The following MRLN variants were observed in gnomAD, a reference collection of about 807,000 sequenced individuals.
The protein encoded by MRLN is myoregulin.
intron 1 of MRLN, among the ~76,000 whole-genome samples, chr10:59,746,598 C>A (rs772197497): frequency 6.6e-6 from 1 of 152,178 alleles, no homozygotes; most frequent in Non-Finnish European, 1.5e-5. Context: ...AGTCCTGGAT[C>A]CTTTCTATAT....
At chr10:59,742,755 G>A (rs771931274) in intron 1 of MRLN, among the ~76,000 whole-genome samples, 47 of 148,226 alleles carry the variant, frequency 3.2e-4, no homozygotes, top group Non-Finnish European at 4.0e-4. Flanking sequence ...TCTTTCGAGA[G>A]TCTCACTCTG....
At chr10:59,749,051 C>G (rs1841071330) in intron 1 of MRLN, among the ~76,000 whole-genome samples, 1 of 152,156 alleles carries the variant, frequency 6.6e-6, no homozygotes, top group African/African-American at 2.4e-5. Context: ...GAGATCCTGG[C>G]TCTTACCACT....
At chr10:59,746,668 C>A (rs1304089350) in intron 1 of MRLN, among the ~76,000 whole-genome samples, 1 of 152,138 alleles carries the variant, frequency 6.6e-6, no homozygotes, top group Non-Finnish European at 1.5e-5. Flanking sequence ...GCCCTGATAA[C>A]CCCAAATTTG....
At chr10:59,752,485 T>C (rs965329439) in intron 1 of MRLN, among the ~76,000 whole-genome samples, 22 of 152,200 alleles carry the variant, frequency 1.4e-4, no homozygotes, top group Non-Finnish European at 1.3e-4. Context: ...ATCACACAGC[T>C]TGTATGTGGT....
rs1458573868 is a variant in MRLN, at chr10:59,738,449, C to A, written c.-21+10G>T. The A allele has an allele frequency of 4.6e-5, 7 of 152,134 alleles. No individual in the cohort carries two copies. The highest frequency in any genetic ancestry group is 8.8e-5 in the Non-Finnish European group (6 of 68,040). The allele number at this position is 152,134 out of a possible 1,614,324, so 9.4% of individuals were successfully genotyped here. A position where few individuals can be genotyped will look rare whatever the true frequency, so the allele number is the denominator to read the frequency against. ...GAGGAATGAGGAGTGAGTAGAGACC[C>A]ATTTCTCACCTGAATTAATCCCAGG... On this transcript the variant is annotated intron_variant, in intron 2 of 2. Transcript: ENST00000414264.
chr10:59,749,218 C>T (rs1360839277), intron 1 of MRLN, among the ~76,000 whole-genome samples: 1 of 152,170 alleles, frequency 6.6e-6, no homozygotes, highest in Non-Finnish European at 1.5e-5. Context: ...TCTCATAAAA[C>T]TTTATGAGGT....
At chr10:59,746,893 G>A (rs532042458) in intron 1 of MRLN, among the ~76,000 whole-genome samples, 58 of 152,190 alleles carry the variant, frequency 3.8e-4, no homozygotes, top group African/African-American at 1.1e-3. Context: ...TCCACCTCCC[G>A]GATTCAAGTG....
intron 1 of MRLN, among the ~76,000 whole-genome samples, chr10:59,741,530 G>A (rs1737742199): frequency 6.6e-6 from 1 of 152,084 alleles, no homozygotes; most frequent in Non-Finnish European, 1.5e-5. Flanking sequence ...CTACAGGTGT[G>A]TGCCACCATG....
chr10:59,752,736 G>A (rs1406086040), intron 1 of MRLN, among the ~76,000 whole-genome samples: 3 of 152,156 alleles, frequency 2.0e-5, no homozygotes, highest in African/African-American at 7.2e-5. Context: ...CCCTTTTCTA[G>A]ACAGAAAACA....
intron 1 of MRLN, among the ~76,000 whole-genome samples, chr10:59,749,555 G>C (rs149066589): frequency 1.4e-4 from 22 of 152,108 alleles, no homozygotes; most frequent in African/African-American, 4.3e-4. Context: ...TTAGCTGGGC[G>C]TGGTGGTTCG....
chr10:59,736,894 C>T lies in MRLN; in HGVS notation c.*166G>A. The T allele has an allele frequency of 3.1e-6, 1 of 323,288 alleles. No individual in the cohort carries two copies. The highest frequency in any genetic ancestry group is 5.6e-6 in the Non-Finnish European group (1 of 177,422). 20.0% of individuals were successfully genotyped at this position (323,288 alleles called of 1,614,324 possible). ...TCAGTATATGTGAATGTTTCATAAA[C>T]CATAAAGAACTAAACAATACACAAT... On this transcript the variant is annotated 3_prime_UTR_variant, in exon 3 of 3. Coordinates refer to ENST00000414264, the MANE Select transcript of MRLN (RefSeq NM_001304731.2).
Position 59,736,911 on chromosome 10 carries a change from A to G in MRLN, c.*149T>C, listed in dbSNP as rs1016146441. On this transcript the variant is annotated 3_prime_UTR_variant, in exon 3 of 3. Transcript: ENST00000414264. ...TTCATAAACCATAAAGAACTAAACA[A>G]TACACAATGTTGTTTGTATTGCAGT... 8.6e-6 allele frequency: 3 copies of G among 350,268 alleles called. No individual in the cohort carries two copies. Among genetic ancestry groups the G allele is most frequent in the Non-Finnish European group, 1.5e-5 (3 of 194,430 alleles). 21.7% of individuals were successfully genotyped at this position (350,268 alleles called of 1,614,324 possible).
chr10:59,748,771 C>T (rs1841068196), intron 1 of MRLN, among the ~76,000 whole-genome samples: 1 of 152,196 alleles, frequency 6.6e-6, no homozygotes, highest in Admixed American at 6.5e-5. Context: ...TTATGATAGA[C>T]TGGATTCTGC....
In MRLN at chr10:59,738,552, A is replaced by C. The variant is rs1840947729; in HGVS notation, c.-114T>G. ...TATTCAGCACAGGTGGTCTCTTAGCAACCTTGATTCCTGTGTCAAATCATA... is the reference window on the plus strand; with the variant it reads ...TATTCAGCACAGGTGGTCTCTTAGCCACCTTGATTCCTGTGTCAAATCATA... On this transcript the variant is annotated 5_prime_UTR_variant, in exon 2 of 3. Transcript: ENST00000414264. 6.6e-6 allele frequency: 1 copy of C among 152,220 alleles called. No individual in the cohort carries two copies. Among genetic ancestry groups the C allele is most frequent in the Admixed American group, 6.5e-5 (1 of 15,286 alleles). The allele number at this position is 152,220 out of a possible 1,614,324, so 9.4% of individuals were successfully genotyped here. A position where few individuals can be genotyped will look rare whatever the true frequency, so the allele number is the denominator to read the frequency against.
chr10:59,747,079 C>T (rs539837145), intron 1 of MRLN, among the ~76,000 whole-genome samples: 21 of 152,298 alleles, frequency 1.4e-4, no homozygotes, highest in African/African-American at 4.6e-4. Context: ...GGATTACAGG[C>T]GTGAGCCACT....
At chr10:59,749,436 G>A (rs777974141) in intron 1 of MRLN, among the ~76,000 whole-genome samples, 18 of 152,182 alleles carry the variant, frequency 1.2e-4, no homozygotes, top group African/African-American at 1.7e-4. Flanking sequence ...GCTCACACCC[G>A]TAATCCCAGC....
chr10:59,750,434 T>C (rs530475993), intron 1 of MRLN, among the ~76,000 whole-genome samples: 3 of 152,332 alleles, frequency 2.0e-5, no homozygotes, highest in African/African-American at 7.2e-5. Flanking sequence ...TTGATGGCCA[T>C]GCCTCAAATG....
At chr10:59,743,054 T>C (rs1217385539) in intron 1 of MRLN, among the ~76,000 whole-genome samples, 14 of 152,128 alleles carry the variant, frequency 9.2e-5, no homozygotes, top group Non-Finnish European at 1.5e-5. Flanking sequence ...TGTATATATG[T>C]TAGACTTCAT....
intron 1 of MRLN, among the ~76,000 whole-genome samples, chr10:59,751,093 A>G (rs1841098569): frequency 6.6e-6 from 1 of 152,166 alleles, no homozygotes; most frequent in Admixed American, 6.5e-5. Flanking sequence ...CACTGGTGGC[A>G]ATGTCTTTAT....
Sources: allele counts gnomAD v4.1 joint callset (sites outside exome capture counted in the v4.1 genomes callset), GRCh38; gene constraint gnomAD v4.1.1; transcripts MANE v1.5; gene names NCBI Gene and HGNC (gene_info 2026-07-23, HGNC 2026-07-21).